JUND: variants seen among roughly 807,000 people sequenced by gnomAD.
The protein encoded by JUND is transcription factor JunD.
Under a neutral mutation model 7.1 loss-of-function variants are expected in JUND, and 2 were observed. That is an observed-to-expected ratio of 0.28 (90% CI 0.11 to 0.88). The LOEUF (loss-of-function observed/expected upper bound fraction) is 0.88. JUND is among the 40% of genes least tolerant of loss of function. JUND has a pLI of 0.60. For missense variants in JUND, 479 were observed against 519.1 expected, an observed-to-expected ratio of 0.92 and a Z score of 0.75; for synonymous variants, 335 against 263.2, an observed-to-expected ratio of 1.27 and a Z score of -2.64.
Position 18,280,355 on chromosome 19 carries a change from C to G in JUND, c.*86G>C, listed in dbSNP as rs929394045. 6.3e-6 allele frequency: 9 copies of G among 1,436,522 alleles called. No homozygotes were observed. The African/African-American group carries it at 1.3e-4, about 21-fold the overall frequency. The allele number at this position is 1,436,522 out of a possible 1,614,324, so 89.0% of individuals were successfully genotyped here. A position where few individuals can be genotyped will look rare whatever the true frequency, so the allele number is the denominator to read the frequency against. On this transcript the variant is annotated 3_prime_UTR_variant, in exon 1 of 1. Transcript: ENST00000252818. This position sits in a 1 kb window ranked among gnomAD's most constrained non-coding sequence, Gnocchi z 4.1. ...GGAGGGGGGGTCCCCAGGGCCGCAC[C>G]CTCTCCAAGTCCGGGGCGCCCACGA...
Position 18,280,546 on chromosome 19 carries a change from C to T in JUND, c.939G>A (p.Thr313=), listed in dbSNP as rs567301722. The T allele has an allele frequency of 1.1e-5, 17 of 1,612,274 alleles. No individual in the cohort carries two copies. Among genetic ancestry groups the T allele is most frequent in the South Asian group, 6.6e-5 (6 of 90,974 alleles). The change falls in exon 1 of 1, where the codon ACG becomes ACA. Residue 313 remains threonine, a synonymous_variant. Transcript: ENST00000252818. This position sits in a 1 kb window ranked among gnomAD's most constrained non-coding sequence, Gnocchi z 4.1. ...CCACCTGCTCGCGCAGCAGGCTCGC[C>T]GTGGACGCCAGCTCCGTGTTCTGAC... The part of the protein sequence containing the change: ...LKSQNTELAS[T]ASLLREQVAQ...
At position 18,280,185 on chromosome 19, in the gene JUND, CG is replaced by C. The variant is rs1969909674; in HGVS notation, c.*255del. The C allele has an allele frequency of 1.2e-5, 5 of 423,878 alleles. No homozygotes were observed. The highest frequency in any genetic ancestry group is 2.5e-5 in the South Asian group (1 of 40,764). The allele number at this position is 423,878 out of a possible 1,614,324, so 26.3% of individuals were successfully genotyped here. A position where few individuals can be genotyped will look rare whatever the true frequency, so the allele number is the denominator to read the frequency against. ...GTTTGTGCAACACGGGGCGGCCGCG[CG>C]GGGGAAAGAGGCAGCGCGAGGGCGG... On this transcript the variant is annotated 3_prime_UTR_variant, in exon 1 of 1. Coordinates refer to ENST00000252818, the MANE Select transcript of JUND (RefSeq NM_005354.6). The surrounding 1 kb of genome is among the most constrained non-coding windows in gnomAD (Gnocchi z 4.1).
rs762813675 is a variant in JUND at position 18,281,211 on chromosome 19, C to T, written c.274G>A (p.Asp92Asn). 2.3e-5 allele frequency: 34 copies of T among 1,509,548 alleles called. No individual in the cohort carries two copies. The allele number at this position is 1,509,548 out of a possible 1,614,324, so 93.5% of individuals were successfully genotyped here. The change falls in exon 1 of 1, where the codon GAC (aspartate) becomes AAC (asparagine). Residue 92 changes from aspartate (D) to asparagine (N), a missense_variant. Physicochemically the swap from Asp to Asn is conservative, Grantham distance 23. Transcript: ENST00000252818. ...APPDGLLASPDLGLLKLASPE... is the reference protein window; with the variant it reads ...APPDGLLASPNLGLLKLASPE... Reference sequence around the variant, plus strand: ...GAGGCCAGCTTCAGCAGCCCCAGGTCGGGAGAGGCGAGCAGGCCGTCGGGG... The same window carrying T: ...GAGGCCAGCTTCAGCAGCCCCAGGTTGGGAGAGGCGAGCAGGCCGTCGGGG...
Position 18,280,984 on chromosome 19 carries a change from CCCG to C in JUND, c.498_500del (p.Gly168del), listed in dbSNP as rs1484318575. The C allele has an allele frequency of 8.8e-7, 1 of 1,139,042 alleles. No individual in the cohort carries two copies. Among genetic ancestry groups the C allele is most frequent in the African/African-American group, 1.7e-5 (1 of 59,654 alleles). The allele number at this position is 1,139,042 out of a possible 1,614,324, so 70.6% of individuals were successfully genotyped here. A position where few individuals can be genotyped will look rare whatever the true frequency, so the allele number is the denominator to read the frequency against. On this transcript the variant is annotated inframe_deletion, in exon 1 of 1. Transcript: ENST00000252818. The surrounding 1 kb of genome is among the most constrained non-coding windows in gnomAD (Gnocchi z 4.1). ...AGCCCGTGGCCGTGCCCGAGGGCCCCCCGGCGGCGGCGGCGGCGGCGGCAGCGG... is the reference window on the plus strand; with the variant it reads ...AGCCCGTGGCCGTGCCCGAGGGCCCCGCGGCGGCGGCGGCGGCGGCAGCGG...
rs1969902338 is a variant in JUND, at chr19:18,279,984, CCAA to C, written c.*454_*456del. The C allele has an allele frequency of 1.2e-5, 2 of 171,040 alleles. No individual in the cohort carries two copies. The highest frequency in any genetic ancestry group is 1.1e-4 in the South Asian group (1 of 8,766). The allele number at this position is 171,040 out of a possible 1,614,324, so 10.6% of individuals were successfully genotyped here. A position where few individuals can be genotyped will look rare whatever the true frequency, so the allele number is the denominator to read the frequency against. ...CACAAGAAAACACACACACACACAA[CCAA>C]CGTTTGTTCCCGAGTAGAAACATAA... On this transcript the variant is annotated 3_prime_UTR_variant, in exon 1 of 1. Coordinates refer to ENST00000252818, the MANE Select transcript of JUND (RefSeq NM_005354.6).
At position 18,280,102 on chromosome 19, in the gene JUND, G is replaced by A. The variant is rs1969907169; in HGVS notation, c.*339C>T. On this transcript the variant is annotated 3_prime_UTR_variant, in exon 1 of 1. Coordinates refer to ENST00000252818, the MANE Select transcript of JUND (RefSeq NM_005354.6). This position sits in a 1 kb window ranked among gnomAD's most constrained non-coding sequence, Gnocchi z 4.1. ...AAGGAAAGGCAGGGTTTGAGGCTGCGCCCCCTCGGAGCCCCCTTCCGCGGC... is the reference window on the plus strand; with the variant it reads ...AAGGAAAGGCAGGGTTTGAGGCTGCACCCCCTCGGAGCCCCCTTCCGCGGC... 1 of 294,924 alleles carries A rather than the reference G, an allele frequency of 3.4e-6. No homozygotes were observed. The highest frequency in any genetic ancestry group is 5.7e-5 in the Admixed American group (1 of 17,628). The allele number at this position is 294,924 out of a possible 1,614,324, so 18.3% of individuals were successfully genotyped here.
chr19:18,280,824 G>C lies in JUND; in HGVS notation c.661C>G (p.Pro221Ala). 1 of 1,511,790 alleles carries C rather than the reference G, an allele frequency of 6.6e-7. No homozygotes were observed. Among genetic ancestry groups the C allele is most frequent in the Non-Finnish European group, 8.8e-7 (1 of 1,141,086 alleles). 93.6% of individuals were successfully genotyped at this position (1,511,790 alleles called of 1,614,324 possible). A position where few individuals can be genotyped will look rare whatever the true frequency, so the allele number is the denominator to read the frequency against. The change falls in exon 1 of 1, where the codon CCC becomes GCC. Residue 221 changes from proline to alanine, a missense_variant. By Grantham distance (27) the Pro-to-Ala change is conservative. Coordinates refer to ENST00000252818, the MANE Select transcript of JUND (RefSeq NM_005354.6). This position sits in a 1 kb window ranked among gnomAD's most constrained non-coding sequence, Gnocchi z 4.1. ...ATVAFAAEPVPFPPPPPPGAL... is the reference protein window; with the variant it reads ...ATVAFAAEPVAFPPPPPPGAL... ...CCTGGGGGTGGCGGCGGCGGGAAGG[G>C]CACAGGTTCGGCAGCGAAGGCGACC...
Position 18,281,178 on chromosome 19 carries a change from G to A in JUND, c.307C>T (p.Leu103Phe). The change falls in exon 1 of 1, where the codon CTC becomes TTC. Residue 103 changes from leucine to phenylalanine, a missense_variant. This residue lies in a region of JUND where 374 missense variants were observed against 365.4 expected (regional missense o/e 1.02). Transcript: ENST00000252818. Reference sequence around the variant, plus strand: ...TTGGACTGGATGATGAGGCGCTCGAGCTCGGGGGAGGCCAGCTTCAGCAGC... The same window carrying A: ...TTGGACTGGATGATGAGGCGCTCGAACTCGGGGGAGGCCAGCTTCAGCAGC... ...LGLLKLASPE[L>F]ERLIIQSNGL... The A allele has an allele frequency of 6.4e-7, 1 of 1,551,872 alleles. No individual in the cohort carries two copies. The highest frequency in any genetic ancestry group is 8.6e-7 in the Non-Finnish European group (1 of 1,157,952).
chr19:18,281,247 T>G lies in JUND; in HGVS notation c.238A>C (p.Ser80Arg). ...AGCAGGCCGTCGGGGGGTGCCGCGC[T>G]GGGGGCGCCGTCGGCGCGCAGGGGG... ...PTPLRADGAPSAAPPDGLLAS... is the reference protein window; with the variant it reads ...PTPLRADGAPRAAPPDGLLAS... The change falls in exon 1 of 1, where the codon AGC (serine) becomes CGC (arginine). Residue 80 changes from serine to arginine, a missense_variant. Ser to Arg is a moderately radical substitution (Grantham distance 110, BLOSUM62 -1). Around this residue, in one of 3 missense-constraint regions of JUND, gnomAD observed 374 missense variants for 365.4 expected, o/e 1.02. Coordinates refer to ENST00000252818, the MANE Select transcript of JUND (RefSeq NM_005354.6). 6.8e-7 allele frequency: 1 copy of G among 1,472,078 alleles called. No homozygotes were observed. The highest frequency in any genetic ancestry group is 9.0e-7 in the Non-Finnish European group (1 of 1,116,474). The allele number at this position is 1,472,078 out of a possible 1,614,324, so 91.2% of individuals were successfully genotyped here.
Position 18,280,216 on chromosome 19 carries a change from G to T in JUND, c.*225C>A, listed in dbSNP as rs937084510. 3 of 490,554 alleles carry T rather than the reference G, an allele frequency of 6.1e-6. No individual in the cohort carries two copies. The highest frequency in any genetic ancestry group is 1.1e-5 in the Non-Finnish European group (3 of 278,092). The allele number at this position is 490,554 out of a possible 1,614,324, so 30.4% of individuals were successfully genotyped here. Reference sequence around the variant, plus strand: ...AAAGAGGCAGCGCGAGGGCGGGGGGGTCATGCGCTCGCCCCCCCGGGAGCA... The same window carrying T: ...AAAGAGGCAGCGCGAGGGCGGGGGGTTCATGCGCTCGCCCCCCCGGGAGCA... On this transcript the variant is annotated 3_prime_UTR_variant, in exon 1 of 1. Transcript: ENST00000252818. This position sits in a 1 kb window ranked among gnomAD's most constrained non-coding sequence, Gnocchi z 4.1.
rs779066883 is a variant in JUND at position 18,281,184 on chromosome 19, G to A, written c.301C>T (p.Pro101Ser). 4 of 1,547,008 alleles carry A rather than the reference G, an allele frequency of 2.6e-6. No homozygotes were observed. Among genetic ancestry groups the A allele is most frequent in the Non-Finnish European group, 3.5e-6 (4 of 1,155,594 alleles). Reference protein sequence around the residue: ...PDLGLLKLASPELERLIIQSN... With the variant: ...PDLGLLKLASSELERLIIQSN... ...TGGATGATGAGGCGCTCGAGCTCGG[G>A]GGAGGCCAGCTTCAGCAGCCCCAGG... is the stretch of plus-strand genomic sequence containing the variant. Residue 101 changes from proline to serine, a missense_variant, in exon 1 of 1, where the codon CCC becomes TCC. Physicochemically the swap from Pro to Ser is moderately conservative, Grantham distance 74 (BLOSUM62 -1). Transcript: ENST00000252818.
At position 18,281,183 on chromosome 19, in the gene JUND, G is replaced by A; in HGVS notation, c.302C>T (p.Pro101Leu). ...PDLGLLKLAS[P>L]ELERLIIQSN... ...CTGGATGATGAGGCGCTCGAGCTCG[G>A]GGGAGGCCAGCTTCAGCAGCCCCAG... Residue 101 changes from proline (P) to leucine (L), a missense_variant, in exon 1 of 1, where the codon CCC becomes CTC. Coordinates refer to ENST00000252818, the MANE Select transcript of JUND (RefSeq NM_005354.6). 6.5e-7 allele frequency: 1 copy of A among 1,546,740 alleles called. No homozygotes were observed. Among genetic ancestry groups the A allele is most frequent in the Non-Finnish European group, 8.7e-7 (1 of 1,155,474 alleles).
Position 18,281,393 on chromosome 19 carries a change from A to T in JUND, c.92T>A (p.Leu31Ter). The change falls in exon 1 of 1, where the codon TTG (leucine) becomes TAG (stop). Residue 31 changes from leucine (L) to a stop codon, truncating the protein, a stop_gained. Transcript: ENST00000252818. LOFTEE classifies it low-confidence loss of function (END_TRUNC). ...GGCCGTCGGGGGCGCCCCGGGGAAC[A>T]AGCGGCCCGGGGACGCGAAGCTGCC... ...SGGSFASPGR[L>*]FPGAPPTAAA... is the part of the protein sequence containing the mutation. 7.4e-7 allele frequency: 1 copy of T among 1,347,584 alleles called. No homozygotes were observed. Among genetic ancestry groups the T allele is most frequent in the Non-Finnish European group, 9.4e-7 (1 of 1,059,368 alleles). The allele number at this position is 1,347,584 out of a possible 1,614,324, so 83.5% of individuals were successfully genotyped here. A position where few individuals can be genotyped will look rare whatever the true frequency, so the allele number is the denominator to read the frequency against.
rs1163102320 is a variant in JUND, at chr19:18,279,742, G to A, written c.*699C>T. ...CCGCCAGGCCCCGGCGGGGGAAGAA[G>A]GAGGCGGAGAGCCGAGCTGGCGTAA... On this transcript the variant is annotated 3_prime_UTR_variant, in exon 1 of 1. Coordinates refer to ENST00000252818, the MANE Select transcript of JUND (RefSeq NM_005354.6). The A allele has an allele frequency of 6.5e-6, 1 of 152,752 alleles. No homozygotes were observed. The highest frequency in any genetic ancestry group is 1.5e-5 in the Non-Finnish European group (1 of 68,166). The allele number at this position is 152,752 out of a possible 1,614,324, so 9.5% of individuals were successfully genotyped here.
At position 18,280,187 on chromosome 19, in the gene JUND, G is replaced by A; in HGVS notation, c.*254C>T. 4 of 433,172 alleles carry A rather than the reference G, an allele frequency of 9.2e-6. No individual in the cohort carries two copies. In the South Asian group the frequency reaches 9.7e-5, roughly 10 times the overall value. The allele number at this position is 433,172 out of a possible 1,614,324, so 26.8% of individuals were successfully genotyped here. A position where few individuals can be genotyped will look rare whatever the true frequency, so the allele number is the denominator to read the frequency against. On this transcript the variant is annotated 3_prime_UTR_variant, in exon 1 of 1. Transcript: ENST00000252818. This position sits in a 1 kb window ranked among gnomAD's most constrained non-coding sequence, Gnocchi z 4.1. Reference sequence around the variant, plus strand: ...TTGTGCAACACGGGGCGGCCGCGCGGGGGAAAGAGGCAGCGCGAGGGCGGG... The same window carrying A: ...TTGTGCAACACGGGGCGGCCGCGCGAGGGAAAGAGGCAGCGCGAGGGCGGG...
rs866465844 is a variant in JUND at position 18,280,984 on chromosome 19, C to T, written c.501G>A (p.Gly167=). 18 of 1,139,152 alleles carry T rather than the reference C, an allele frequency of 1.6e-5. 1 individual carries two copies. In the Middle Eastern group the frequency reaches 2.2e-3, roughly 141 times the overall value. The allele number at this position is 1,139,152 out of a possible 1,614,324, so 70.6% of individuals were successfully genotyped here. The change falls in exon 1 of 1, where the codon GGG becomes GGA. Residue 167 remains glycine (G), a synonymous_variant. Coordinates refer to ENST00000252818, the MANE Select transcript of JUND (RefSeq NM_005354.6). This position sits in a 1 kb window ranked among gnomAD's most constrained non-coding sequence, Gnocchi z 4.1. ...AGCCCGTGGCCGTGCCCGAGGGCCCCCCGGCGGCGGCGGCGGCGGCGGCAG... is the reference window on the plus strand; with the variant it reads ...AGCCCGTGGCCGTGCCCGAGGGCCCTCCGGCGGCGGCGGCGGCGGCGGCAG... ...AAAAAAAAAA[G]GPSGTATGSA...
rs969589882 is a variant in JUND, at chr19:18,281,513, G to T, written c.-29C>A. On this transcript the variant is annotated 5_prime_UTR_variant, in exon 1 of 1. Transcript: ENST00000252818. ...CCGCCTCCCCCGCCGCGCCGGCCCGGGGGGGAGTGGCCGCGGCCTCCCGGG... is the reference window on the plus strand; with the variant it reads ...CCGCCTCCCCCGCCGCGCCGGCCCGTGGGGGAGTGGCCGCGGCCTCCCGGG... 9 of 1,209,690 alleles carry T rather than the reference G, an allele frequency of 7.4e-6. No individual in the cohort carries two copies. Among genetic ancestry groups the T allele is most frequent in the African/African-American group, 1.6e-5 (1 of 62,086 alleles). 74.9% of individuals were successfully genotyped at this position (1,209,690 alleles called of 1,614,324 possible).
In JUND at chr19:18,280,740, C is replaced by A; in HGVS notation, c.745G>T (p.Val249Leu). 6.2e-7 allele frequency: 1 copy of A among 1,607,386 alleles called. No homozygotes were observed. Among genetic ancestry groups the A allele is most frequent in the Non-Finnish European group, 8.5e-7 (1 of 1,179,398 alleles). ...LKDEPQTVPD[V>L]PSFGESPPLS... The stretch of plus-strand genomic sequence containing the variant: ...GGCGGGCTCTCGCCGAAGCTCGGCA[C>A]GTCGGGCACCGTCTGTGGCTCGTCC... The change falls in exon 1 of 1, where the codon GTG becomes TTG. Residue 249 changes from valine (V) to leucine (L), a missense_variant. Around this residue, in one of 3 missense-constraint regions of JUND, gnomAD observed 63 missense variants for 116.6 expected, o/e 0.54. Coordinates refer to ENST00000252818, the MANE Select transcript of JUND (RefSeq NM_005354.6). The surrounding 1 kb of genome is among the most constrained non-coding windows in gnomAD (Gnocchi z 4.1).
At position 18,280,263 on chromosome 19, in the gene JUND, C is replaced by CGGGGCGCCCCTTCCGAGTCT. The variant is rs1358634952; in HGVS notation, c.*177_*178insAGACTCGGAAGGGGCGCCCC. 1.6e-5 allele frequency: 9 copies of CGGGGCGCCCCTTCCGAGTCT among 545,712 alleles called. No individual in the cohort carries two copies. The highest frequency in any genetic ancestry group is 2.7e-5 in the Non-Finnish European group (9 of 339,606). 33.8% of individuals were successfully genotyped at this position (545,712 alleles called of 1,614,324 possible). A position where few individuals can be genotyped will look rare whatever the true frequency, so the allele number is the denominator to read the frequency against. ...AGCAGGGGGTCCAGCTTGTCGAGTC[C>CGGGGCGCCCCTTCCGAGTCT]TGGGCACCCTCGGGGGGGGGGAATC... On this transcript the variant is annotated 3_prime_UTR_variant, in exon 1 of 1. Transcript: ENST00000252818. This position sits in a 1 kb window ranked among gnomAD's most constrained non-coding sequence, Gnocchi z 4.1.
Sources: gnomAD v4.1 joint callset for allele counts on GRCh38, gnomAD v4.1.1 for gene constraint, gnomAD v4.1.1 regional missense constraint, Gnocchi (gnomAD v3.1) non-coding constraint, MANE v1.5 for transcripts, NCBI Gene and HGNC (gene_info 2026-07-23, HGNC 2026-07-21) for gene names.